The following MPPED2 variants were observed in gnomAD, a reference collection of about 807,000 sequenced individuals.
The protein encoded by MPPED2 is metallophosphoesterase MPPED2.
A neutral mutation model predicts 33.0 loss-of-function variants in MPPED2; 5 were observed. The ratio of observed to expected loss-of-function variants is 0.15; its 90% CI spans 0.08 to 0.32. The LOEUF is 0.32. Among genes scored for constraint, MPPED2 ranks in the 10% least tolerant of loss-of-function variants. The probability of loss-of-function intolerance (pLI) is 1.00; values close to 1 mark genes in which losing one functional copy is unlikely to be tolerated. For synonymous variants in MPPED2, 136 were observed against 141.9 expected, an observed-to-expected ratio of 0.96 and a Z score of 0.29; for missense variants, 275 against 372.1, an observed-to-expected ratio of 0.74 and a Z score of 2.15.
At position 30,390,395 on chromosome 11, in the gene MPPED2, C is replaced by T. The variant is rs556572326; in HGVS notation, c.767-1439G>A. 9.2e-5 allele frequency among the ~76,000 whole-genome samples: 14 copies of T among 152,328 alleles called. No homozygotes were observed. The South Asian group carries it at 1.0e-3, about 11-fold the overall frequency. On this transcript the variant is annotated intron_variant, in intron 6 of 6. Coordinates refer to the MPPED2 transcript ENST00000448418. ...GTCTCTTTAAGGAAAAGTTACAGTACTTTTTCTAGGCCTCAAATGTTGACA... is the reference window on the plus strand; with the variant it reads ...GTCTCTTTAAGGAAAAGTTACAGTATTTTTTCTAGGCCTCAAATGTTGACA...
At chr11:30,458,897 G>C (rs1449474845) in intron 4 of MPPED2, among the ~76,000 whole-genome samples, 1 of 140,022 alleles carries the variant, frequency 7.1e-6, no homozygotes, top group Non-Finnish European at 1.6e-5. Flanking sequence ...ATTTTTTTAG[G>C]ACAATTTTGC....
intron 3 of MPPED2, among the ~76,000 whole-genome samples, chr11:30,534,286 G>A (rs527879361): frequency 6.6e-6 from 1 of 152,216 alleles, no homozygotes; most frequent in East Asian, 1.9e-4. Context: ...ACACAGACTA[G>A]TTCAAAACTC....
intron 3 of MPPED2, among the ~76,000 whole-genome samples, chr11:30,497,014 A>C (rs546786219): frequency 1.3e-5 from 2 of 152,288 alleles, no homozygotes; most frequent in East Asian, 3.9e-4. Flanking sequence ...CTGCAGAGAG[A>C]GGAAACCAGA....
intron 4 of MPPED2, among the ~76,000 whole-genome samples, chr11:30,454,201 T>C (rs1950182207): frequency 6.6e-6 from 1 of 152,192 alleles, no homozygotes; most frequent in South Asian, 2.1e-4. Context: ...TTACAGTATG[T>C]CAAAATCCCG....
At chr11:30,389,347 G>A (rs1439111608) in intron 6 of MPPED2, among the ~76,000 whole-genome samples, 2 of 152,156 alleles carry the variant, frequency 1.3e-5, no homozygotes, top group East Asian at 3.9e-4. Context: ...ACCAAACTAA[G>A]AACTCCACTC....
At chr11:30,387,597 G>T (rs1193029071) in exon 7 of MPPED2, 1 of 152,006 alleles carries the variant, frequency 6.6e-6, no homozygotes, top group Non-Finnish European at 1.5e-5. Context: ...AGCATGTGGA[G>T]GTGGTCCCTA....
chr11:30,434,109 A>T (rs1425539258), intron 4 of MPPED2, among the ~76,000 whole-genome samples: 1 of 152,204 alleles, frequency 6.6e-6, no homozygotes, highest in Non-Finnish European at 1.5e-5. Flanking sequence ...CACTAATCCA[A>T]GATAATCTTC....
intron 4 of MPPED2, among the ~76,000 whole-genome samples, chr11:30,432,217 A>G (rs1302773583): frequency 6.6e-6 from 1 of 152,000 alleles, no homozygotes; most frequent in Non-Finnish European, 1.5e-5. Context: ...AACCTCTCAT[A>G]GTCAAAACTA....
chr11:30,398,026 G>C (rs1209400467), intron 6 of MPPED2, among the ~76,000 whole-genome samples: 1 of 151,984 alleles, frequency 6.6e-6, no homozygotes, highest in African/African-American at 2.4e-5. Context: ...CCAATTTGTA[G>C]GAAACAAAAG....
chr11:30,439,172 C>T (rs1437095521), intron 4 of MPPED2, among the ~76,000 whole-genome samples: 2 of 152,160 alleles, frequency 1.3e-5, no homozygotes, highest in African/African-American at 2.4e-5. Flanking sequence ...CTTGTACTTC[C>T]AAATTCAGAA....
At chr11:30,420,442 G>A (rs538482771) in intron 4 of MPPED2, among the ~76,000 whole-genome samples, 4 of 152,318 alleles carry the variant, frequency 2.6e-5, no homozygotes, top group African/African-American at 2.4e-5. Flanking sequence ...TCTGACCAAC[G>A]TACTTGTAAG....
chr11:30,463,838 T>C (rs182498704), intron 4 of MPPED2, among the ~76,000 whole-genome samples: 1 of 142,098 alleles, frequency 7.0e-6, no homozygotes, highest in Admixed American at 7.1e-5. Context: ...GGATTATGTC[T>C]AAACTGTTAT....
At chr11:30,572,257 A>G (rs1453440899) in intron 2 of MPPED2, among the ~76,000 whole-genome samples, 1 of 152,158 alleles carries the variant, frequency 6.6e-6, no homozygotes, top group Non-Finnish European at 1.5e-5. Flanking sequence ...GGTTCTAGGA[A>G]CAAATTCCTA....
At chr11:30,557,865 C>T (rs1956057042) in intron 2 of MPPED2, among the ~76,000 whole-genome samples, 1 of 152,162 alleles carries the variant, frequency 6.6e-6, no homozygotes, top group South Asian at 2.1e-4. Context: ...AGAAGAGCCT[C>T]ATGGTCAGAG....
intron 3 of MPPED2, among the ~76,000 whole-genome samples, chr11:30,499,073 C>CT (rs1324679249): frequency 6.6e-6 from 1 of 152,206 alleles, no homozygotes; most frequent in Non-Finnish European, 1.5e-5. Context: ...ACTCCAGCCA[C>CT]TACCTCCCCA....
intron 4 of MPPED2, among the ~76,000 whole-genome samples, chr11:30,467,363 G>T (rs1007009419): frequency 2.6e-5 from 4 of 152,196 alleles, no homozygotes; most frequent in Non-Finnish European, 5.9e-5. Context: ...GGCAGGCTTA[G>T]TGGGGGAGTG....
chr11:30,386,747 C>T (rs1415029887), exon 7 of MPPED2: 1 of 398,380 alleles, frequency 2.5e-6, no homozygotes, highest in Non-Finnish European at 4.4e-6. Flanking sequence ...TCACAACAGT[C>T]AAACCCTCCT....
intron 3 of MPPED2, among the ~76,000 whole-genome samples, chr11:30,517,423 C>T (rs1953594468): frequency 6.6e-6 from 1 of 152,140 alleles, no homozygotes; most frequent in African/African-American, 2.4e-5. Context: ...TAGATTCAAG[C>T]CTATGTATAC....
exon 7 of MPPED2, chr11:30,384,921 C>T (rs1337451335): frequency 1.3e-5 from 2 of 152,212 alleles, no homozygotes; most frequent in Non-Finnish European, 2.9e-5. Context: ...ATGCTTTCCA[C>T]CAGACCACAA....
Sources: gnomAD v4.1 joint callset for allele counts (sites outside exome capture counted in the v4.1 genomes callset) on GRCh38, gnomAD v4.1.1 for gene constraint, MANE v1.5 for transcripts, NCBI Gene and HGNC (gene_info 2026-07-23, HGNC 2026-07-21) for gene names.